DYM: variants seen among roughly 807,000 people sequenced by gnomAD.
The protein encoded by DYM is dyggve-Melchior-Clausen syndrome protein.
A neutral mutation model predicts 93.1 loss-of-function variants in DYM; 78 were observed. The ratio of observed to expected loss-of-function variants is 0.84; its 90% CI spans 0.70 to 1.01. The LOEUF is 1.01. Ranked by LOEUF, DYM falls within the 50% of genes least tolerant of loss-of-function variation. DYM has a pLI of 0.00. For missense variants in DYM, 789 were observed against 845.0 expected (o/e 0.93, Z 0.82); for synonymous variants, 321 against 319.7 (o/e 1.00, Z -0.04).
At chr18:49,360,549 G>A (rs184266718) in intron 6 of DYM, among the ~76,000 whole-genome samples, 6 of 152,096 alleles carry the variant, frequency 3.9e-5, no homozygotes, top group Non-Finnish European at 7.4e-5. Flanking sequence ...TTCAACCCAG[G>A]AGGCGGAGGT....
At chr18:49,331,256 T>C (rs1396358742) in intron 8 of DYM, among the ~76,000 whole-genome samples, 1 of 152,234 alleles carries the variant, frequency 6.6e-6, no homozygotes, top group Non-Finnish European at 1.5e-5. Context: ...CCACCAGAAC[T>C]ACTCTCTTAC....
intron 15 of DYM, chr18:49,126,327 A>C (rs1317862910): frequency 1.3e-5 from 2 of 152,220 alleles, no homozygotes; most frequent in African/African-American, 4.8e-5. Flanking sequence ...GATTTACTAA[A>C]AACAAAGTAT....
At chr18:49,057,689 C>T (rs1433817924) in intron 17 of DYM, among the ~76,000 whole-genome samples, 1 of 152,232 alleles carries the variant, frequency 6.6e-6, no homozygotes, top group Non-Finnish European at 1.5e-5. Context: ...CCCATGGCAA[C>T]TGTCGCACTG....
chr18:49,213,560 C>T (rs1211164379), intron 13 of DYM, among the ~76,000 whole-genome samples: 1 of 152,162 alleles, frequency 6.6e-6, no homozygotes. Flanking sequence ...AGGCAATCCA[C>T]CCACTTCAGC....
chr18:49,383,054 T>C (rs1387988464), intron 3 of DYM, among the ~76,000 whole-genome samples: 1 of 152,126 alleles, frequency 6.6e-6, no homozygotes, highest in Non-Finnish European at 1.5e-5. Flanking sequence ...GAACAAAATC[T>C]ACGTTGTGGG....
chr18:49,281,872 G>A lies in DYM; in HGVS notation c.1125+125C>T, dbSNP rs1599099995. On this transcript the variant is annotated intron_variant, in intron 10 of 17. Transcript: ENST00000675505. ...AATGTTAAATGACGAGTTCCTGGGTGCAGCACACCAACATGGCACATGTAT... is the reference window on the plus strand; with the variant it reads ...AATGTTAAATGACGAGTTCCTGGGTACAGCACACCAACATGGCACATGTAT... 65 of 887,480 alleles carry A rather than the reference G, an allele frequency of 7.3e-5. No individual in the cohort carries two copies. The East Asian group carries it at 1.8e-3, about 24-fold the overall frequency. The allele number at this position is 887,480 out of a possible 1,614,324, so 55.0% of individuals were successfully genotyped here. A position where few individuals can be genotyped will look rare whatever the true frequency, so the allele number is the denominator to read the frequency against.
At chr18:49,225,055 C>G (rs1270314274) in intron 13 of DYM, among the ~76,000 whole-genome samples, 1 of 152,090 alleles carries the variant, frequency 6.6e-6, no homozygotes, top group Non-Finnish European at 1.5e-5. Context: ...ACCAACAATT[C>G]TTTTCATTAG....
At chr18:49,238,217 A>AAT (rs1246432565) in intron 13 of DYM, among the ~76,000 whole-genome samples, 1 of 152,192 alleles carries the variant, frequency 6.6e-6, no homozygotes, top group Admixed American at 6.5e-5. Context: ...ATAGGTAAGA[A>AAT]ATAGCATGTC....
intron 7 of DYM, 120 bp from the exon 8 acceptor site, chr18:49,332,126 C>A: frequency 9.5e-7 from 1 of 1,055,702 alleles, no homozygotes; most frequent in Non-Finnish European, 1.4e-6. Flanking sequence ...GCTATTGGCA[C>A]AACTCACAGA....
At chr18:49,205,296 A>T (rs1568600601) in intron 14 of DYM, among the ~76,000 whole-genome samples, 1 of 152,220 alleles carries the variant, frequency 6.6e-6, no homozygotes. Context: ...ACAAATGTAA[A>T]GCCCTGCAAT....
chr18:49,331,203 T>G (rs922799147), intron 8 of DYM, among the ~76,000 whole-genome samples: 3 of 152,190 alleles, frequency 2.0e-5, no homozygotes, highest in African/African-American at 7.2e-5. Context: ...AAAGTGTCGC[T>G]CTAGGAAGTT....
chr18:49,355,415 T>A (rs1381187386), intron 6 of DYM, among the ~76,000 whole-genome samples: 4 of 152,030 alleles, frequency 2.6e-5, no homozygotes, highest in Non-Finnish European at 4.4e-5. Flanking sequence ...CACTGATAGA[T>A]ACAATTGACA....
chr18:49,363,724 T>C (rs534500706), intron 5 of DYM, among the ~76,000 whole-genome samples: 2 of 152,196 alleles, frequency 1.3e-5, no homozygotes, highest in East Asian at 3.8e-4. Flanking sequence ...CCACGGATCA[T>C]AGACTGAACC....
intron 15 of DYM, among the ~76,000 whole-genome samples, chr18:49,150,758 A>G (rs904614011): frequency 3.3e-5 from 5 of 152,192 alleles, no homozygotes; most frequent in African/African-American, 7.2e-5. Context: ...CTGAGCAACA[A>G]TGTTCCTCAT....
intron 14 of DYM, among the ~76,000 whole-genome samples, chr18:49,176,300 A>G (rs1008233325): frequency 6.6e-6 from 1 of 152,212 alleles, no homozygotes; most frequent in Non-Finnish European, 1.5e-5. Context: ...TACCAAATTT[A>G]TAAGAGACTG....
At chr18:49,065,779 A>G (rs1351306117) in intron 17 of DYM, among the ~76,000 whole-genome samples, 2 of 152,208 alleles carry the variant, frequency 1.3e-5, no homozygotes, top group African/African-American at 4.8e-5. Flanking sequence ...ATCCAAACAT[A>G]TAACAACTAT....
intron 11 of DYM, among the ~76,000 whole-genome samples, chr18:49,266,982 C>G (rs1028675693): frequency 2.0e-5 from 3 of 151,520 alleles, no homozygotes; most frequent in African/African-American, 7.3e-5. Context: ...AATTGAGGCT[C>G]AAGTAAGCAG....
At chr18:49,219,202 C>T (rs1358931865) in intron 13 of DYM, among the ~76,000 whole-genome samples, 2 of 152,092 alleles carry the variant, frequency 1.3e-5, no homozygotes, top group Non-Finnish European at 2.9e-5. Context: ...CAAGACTAAA[C>T]CAGGAAGAAG....
intron 13 of DYM, among the ~76,000 whole-genome samples, chr18:49,219,175 C>G (rs570775300): frequency 6.6e-4 from 101 of 152,136 alleles, no homozygotes; most frequent in South Asian, 5.4e-3. Flanking sequence ...ATAAATTCCT[C>G]GACACATACA....
Sources: allele counts gnomAD v4.1 joint callset (sites outside exome capture counted in the v4.1 genomes callset), GRCh38; gene constraint gnomAD v4.1.1; transcripts MANE v1.5; gene names NCBI Gene and HGNC (gene_info 2026-07-23, HGNC 2026-07-21).